Variants in CDKN2AIPNL observed in about 807,000 individuals in gnomAD.
CDKN2AIPNL encodes CDKN2AIP N-terminal-like protein.
CDKN2AIPNL carries 9 observed loss-of-function variants against 12.9 expected under a neutral mutation model. The observed-to-expected ratio is 0.70, with a 90% CI of 0.42 to 1.22. The LOEUF (loss-of-function observed/expected upper bound fraction) is 1.22. Among genes scored for constraint, CDKN2AIPNL ranks in the 50% most tolerant of loss-of-function variants. The probability of loss-of-function intolerance (pLI) is 0.00; values close to 1 mark genes in which losing one functional copy is unlikely to be tolerated. For missense variants in CDKN2AIPNL, 143 were observed against 153.6 expected, an observed-to-expected ratio of 0.93 and a Z score of 0.37; for synonymous variants, 53 against 61.7, an observed-to-expected ratio of 0.86 and a Z score of 0.66.
intron 2 of CDKN2AIPNL, among the ~76,000 whole-genome samples, chr5:134,406,529 G>C (rs1384533190): frequency 6.6e-6 from 1 of 152,170 alleles, no homozygotes; most frequent in Non-Finnish European, 1.5e-5. Context: ...ATGGAGAGGG[G>C]ACAGCCTTCA....
At chr5:134,408,439 G>A (rs937647003) in intron 2 of CDKN2AIPNL, among the ~76,000 whole-genome samples, 20 of 151,052 alleles carry the variant, frequency 1.3e-4, no homozygotes, top group Admixed American at 5.3e-4. Flanking sequence ...GGAGGCCGAG[G>A]CGGGCGGATC....
chr5:134,411,835 G>C lies in CDKN2AIPNL; in HGVS notation c.20C>G (p.Ala7Gly), dbSNP rs755804403. 21 of 1,569,900 alleles carry C rather than the reference G, an allele frequency of 1.3e-5. No individual in the cohort carries two copies. The East Asian group carries it at 1.4e-4, about 11-fold the overall frequency. Residue 7 changes from alanine to glycine, a missense_variant, in exon 1 of 3, where the codon GCT becomes GGT. Transcript: ENST00000458198. The stretch of plus-strand genomic sequence containing the variant: ...CGAAACCAGCTCCTCCACTGCGGCA[G>C]CCGCCTCGCCACCGACCATGGTGCC... MVGGEA[A>G]AAVEELVSGV...
Position 134,411,822 on chromosome 5 carries a change from C to G in CDKN2AIPNL, c.33G>C (p.Glu11Asp), listed in dbSNP as rs751545095. 3 of 1,593,490 alleles carry G rather than the reference C, an allele frequency of 1.9e-6. No homozygotes were observed. The highest frequency in any genetic ancestry group is 4.6e-5 in the East Asian group (2 of 43,406). The part of the protein sequence containing the change: MVGGEAAAAV[E>D]ELVSGVRQAA... ...CCTGCCGCACCCCCGAAACCAGCTC[C>G]TCCACTGCGGCAGCCGCCTCGCCAC... is the stretch of plus-strand genomic sequence containing the variant. The change falls in exon 1 of 3, where the codon GAG (glutamate) becomes GAC (aspartate). Residue 11 changes from glutamate to aspartate, a missense_variant. By Grantham distance (45) the Glu-to-Asp change is conservative. Coordinates refer to ENST00000458198, the MANE Select transcript of CDKN2AIPNL (RefSeq NM_080656.3).
At chr5:134,410,293 G>A (rs908395380) in intron 1 of CDKN2AIPNL, among the ~76,000 whole-genome samples, 3 of 152,040 alleles carry the variant, frequency 2.0e-5, no homozygotes, top group Non-Finnish European at 2.9e-5. Context: ...GTGCCACCAC[G>A]CCTGGCTAAT....
Position 134,402,780 on chromosome 5 carries a change from C to T in CDKN2AIPNL, c.*135G>A. ...TTAAAAAAGCCAATCTAGACAGAGT[C>T]CTTCTCATTCCACCTGCCTCTTTAT... On this transcript the variant is annotated 3_prime_UTR_variant, in exon 3 of 3. Coordinates refer to ENST00000458198, the MANE Select transcript of CDKN2AIPNL (RefSeq NM_080656.3). 2.9e-6 allele frequency: 2 copies of T among 685,376 alleles called. No individual in the cohort carries two copies. The allele number at this position is 685,376 out of a possible 1,614,324, so 42.5% of individuals were successfully genotyped here. A position where few individuals can be genotyped will look rare whatever the true frequency, so the allele number is the denominator to read the frequency against.
At chr5:134,406,594 G>A (rs1197918905) in intron 2 of CDKN2AIPNL, among the ~76,000 whole-genome samples, 1 of 152,158 alleles carries the variant, frequency 6.6e-6, no homozygotes, top group Non-Finnish European at 1.5e-5. Context: ...CTCAGAATGG[G>A]CTTATCTGGA....
chr5:134,404,500 T>C (rs1489608387), intron 2 of CDKN2AIPNL, among the ~76,000 whole-genome samples: 7 of 152,150 alleles, frequency 4.6e-5, no homozygotes, highest in Admixed American at 2.6e-4. Flanking sequence ...GTTTTTATTT[T>C]ATTTTTTGTT....
rs768385887 is a variant in CDKN2AIPNL, at chr5:134,402,880, G to A, written c.*35C>T. The A allele has an allele frequency of 1.8e-5, 29 of 1,603,050 alleles. No individual in the cohort carries two copies. In the Admixed American group the frequency reaches 4.9e-4, roughly 27 times the overall value. ...TCATCCCAGCCTCCTTTCTAATCCTGTAGCTGATGATGAAAATGTGATAAA... is the reference window on the plus strand; with the variant it reads ...TCATCCCAGCCTCCTTTCTAATCCTATAGCTGATGATGAAAATGTGATAAA... On this transcript the variant is annotated 3_prime_UTR_variant, in exon 3 of 3. Transcript: ENST00000458198.
chr5:134,404,404 G>C (rs996038795), intron 2 of CDKN2AIPNL, among the ~76,000 whole-genome samples: 2 of 152,136 alleles, frequency 1.3e-5, no homozygotes, highest in East Asian at 1.9e-4. Context: ...GCTAACTGCA[G>C]CTTCAACCTC....
At chr5:134,411,560 G>A (rs985589514) in intron 1 of CDKN2AIPNL, 56 bp downstream of exon 1, 1 of 1,466,356 alleles carries the variant, frequency 6.8e-7, no homozygotes, top group African/African-American at 1.4e-5. Context: ...CCCTGGGAGA[G>A]GCCTTGAGGG....
At chr5:134,405,618 T>C (rs1223823998) in intron 2 of CDKN2AIPNL, among the ~76,000 whole-genome samples, 1 of 151,822 alleles carries the variant, frequency 6.6e-6, no homozygotes, top group East Asian at 1.9e-4. Flanking sequence ...GGTTTCACCA[T>C]GTTGGTCAGA....
chr5:134,406,230 A>G (rs1454886362), intron 2 of CDKN2AIPNL, among the ~76,000 whole-genome samples: 7 of 152,226 alleles, frequency 4.6e-5, no homozygotes, highest in Non-Finnish European at 1.0e-4. Flanking sequence ...ATGTCTCCAA[A>G]TCATCATCAC....
At position 134,411,856 on chromosome 5, in the gene CDKN2AIPNL, G is replaced by A. The variant is rs746024643; in HGVS notation, c.-2C>T. 1.9e-6 allele frequency: 3 copies of A among 1,561,016 alleles called. No homozygotes were observed. Among genetic ancestry groups the A allele is most frequent in the Non-Finnish European group, 2.6e-6 (3 of 1,153,722 alleles). ...GGCAGCCGCCTCGCCACCGACCATG[G>A]TGCCCGCCGCAGCCGAGGACCGGAT... On this transcript the variant is annotated 5_prime_UTR_variant, in exon 1 of 3. Coordinates refer to ENST00000458198, the MANE Select transcript of CDKN2AIPNL (RefSeq NM_080656.3).
intron 2 of CDKN2AIPNL, among the ~76,000 whole-genome samples, chr5:134,404,859 C>G (rs1359565244): frequency 6.6e-6 from 1 of 152,132 alleles, no homozygotes; most frequent in African/African-American, 2.4e-5. Flanking sequence ...CATCTTGGCT[C>G]ACTGCAACCT....
intron 2 of CDKN2AIPNL, among the ~76,000 whole-genome samples, chr5:134,403,899 G>C (rs1376714803): frequency 6.6e-6 from 1 of 152,118 alleles, no homozygotes; most frequent in African/African-American, 2.4e-5. Context: ...GCTGGGATTA[G>C]AGGCGTGAGC....
intron 1 of CDKN2AIPNL, chr5:134,410,915 G>C (rs575031312): frequency 9.6e-5 from 63 of 659,524 alleles, no homozygotes; most frequent in African/African-American, 8.8e-4. Context: ...CTTCCTCATG[G>C]AGGGGTGAAA....
At chr5:134,408,513 CAAAAAA>C (rs59056879) in intron 2 of CDKN2AIPNL, among the ~76,000 whole-genome samples, 1 of 112,694 alleles carries the variant, frequency 8.9e-6, no homozygotes, top group African/African-American at 3.4e-5. Context: ...ACTAAAAATA[CAAAAAA>C]AAAAAAAAAA....
At chr5:134,403,700 C>T (rs1759061244) in intron 2 of CDKN2AIPNL, among the ~76,000 whole-genome samples, 1 of 152,224 alleles carries the variant, frequency 6.6e-6, no homozygotes, top group South Asian at 2.1e-4. Context: ...TCTTGGCTCA[C>T]TGCAACCTCT....
At chr5:134,403,371 A>C (rs1581333056) in intron 2 of CDKN2AIPNL, among the ~76,000 whole-genome samples, 1 of 152,200 alleles carries the variant, frequency 6.6e-6, no homozygotes, top group East Asian at 1.9e-4. Flanking sequence ...ACTATTAGAA[A>C]CTGTAAAAGC....
Sources: allele counts gnomAD v4.1 joint callset (sites outside exome capture counted in the v4.1 genomes callset), GRCh38; gene constraint gnomAD v4.1.1; transcripts MANE v1.5; gene names NCBI Gene and HGNC (gene_info 2026-07-23, HGNC 2026-07-21).